Variants in SHOC2 observed in about 807,000 individuals in gnomAD.
The protein encoded by SHOC2 is leucine-rich repeat protein SHOC-2.
SHOC2 carries 4 observed loss-of-function variants against 50.2 expected under a neutral mutation model. The ratio of observed to expected loss-of-function variants is 0.08; its 90% CI spans 0.04 to 0.18. SHOC2 has a LOEUF of 0.18. Among genes scored for constraint, SHOC2 ranks in the 10% least tolerant of loss-of-function variants. The pLI is 1.00. For synonymous variants in SHOC2, 218 were observed against 244.5 expected (o/e 0.89, Z 1.01); for missense variants, 388 against 669.6 (o/e 0.58, Z 4.64).
intron 2 of SHOC2, among the ~76,000 whole-genome samples, chr10:110,980,991 T>C (rs372718524): frequency 4.6e-5 from 7 of 152,364 alleles, no homozygotes; most frequent in East Asian, 1.9e-4. Context: ...GAATCTTTCA[T>C]GTAGATGGAA....
chr10:110,982,954 G>A (rs547667630), intron 2 of SHOC2, among the ~76,000 whole-genome samples: 3 of 152,130 alleles, frequency 2.0e-5, no homozygotes, highest in Admixed American at 6.5e-5. Context: ...AAGCCATCTG[G>A]ACCTAGAATT....
At chr10:110,983,366 T>C (rs1437053980) in intron 2 of SHOC2, among the ~76,000 whole-genome samples, 1 of 152,132 alleles carries the variant, frequency 6.6e-6, no homozygotes, top group African/African-American at 2.4e-5. Context: ...TTGCTTGGAC[T>C]TATTTTTATC....
chr10:110,944,422 A>T (rs1333171961), intron 1 of SHOC2, among the ~76,000 whole-genome samples: 2 of 148,328 alleles, frequency 1.3e-5, no homozygotes, highest in African/African-American at 4.9e-5. Flanking sequence ...AGTGTTTAAT[A>T]AGTCCAATAT....
chr10:110,959,456 A>G (rs964410263), intron 1 of SHOC2, among the ~76,000 whole-genome samples: 1 of 152,246 alleles, frequency 6.6e-6, no homozygotes, highest in African/African-American at 2.4e-5. Context: ...ATTAAATGCC[A>G]GTAGCATTTC....
intron 1 of SHOC2, among the ~76,000 whole-genome samples, chr10:110,928,763 C>A (rs1846828452): frequency 6.6e-6 from 1 of 152,048 alleles, no homozygotes; most frequent in Non-Finnish European, 1.5e-5. Flanking sequence ...GGTGTGGTGG[C>A]ATGCATCGGT....
intron 5 of SHOC2, among the ~76,000 whole-genome samples, chr10:111,006,616 C>T (rs1351073898): frequency 6.6e-6 from 1 of 152,060 alleles, no homozygotes; most frequent in Non-Finnish European, 1.5e-5. Context: ...GTGATCCGCC[C>T]GCCTCGGCCT....
At chr10:110,982,792 AT>A (rs1211601326) in intron 2 of SHOC2, among the ~76,000 whole-genome samples, 1 of 151,996 alleles carries the variant, frequency 6.6e-6, no homozygotes, top group Non-Finnish European at 1.5e-5. Flanking sequence ...AGAGACATTG[AT>A]TTATAGTTTT....
chr10:111,001,157 C>T (rs1345924831), intron 4 of SHOC2, among the ~76,000 whole-genome samples: 7 of 129,258 alleles, frequency 5.4e-5, no homozygotes, highest in South Asian at 2.5e-4. Flanking sequence ...AGATATAATA[C>T]TTTTTTTTTT....
At chr10:110,978,202 T>C (rs1847911174) in intron 2 of SHOC2, among the ~76,000 whole-genome samples, 1 of 152,268 alleles carries the variant, frequency 6.6e-6, no homozygotes, top group African/African-American at 2.4e-5. Context: ...TACAGTCATA[T>C]ATGGCTGTTG....
chr10:110,953,715 C>T (rs1004603488), intron 1 of SHOC2, among the ~76,000 whole-genome samples: 13 of 150,342 alleles, frequency 8.6e-5, no homozygotes, highest in South Asian at 2.1e-4. Flanking sequence ...TATATATATA[C>T]ACACACACAC....
chr10:110,968,255 A>G (rs1847715488), intron 2 of SHOC2, among the ~76,000 whole-genome samples: 1 of 152,134 alleles, frequency 6.6e-6, no homozygotes, highest in Non-Finnish European at 1.5e-5. Context: ...CTTTTATTGT[A>G]ACGGAAAGAC....
chr10:110,945,689 C>T (rs1240529706), intron 1 of SHOC2, among the ~76,000 whole-genome samples: 1 of 152,122 alleles, frequency 6.6e-6, no homozygotes, highest in Non-Finnish European at 1.5e-5. Flanking sequence ...ACCCCAACCC[C>T]ACTCAGACTC....
intron 1 of SHOC2, among the ~76,000 whole-genome samples, chr10:110,922,275 A>G (rs745702374): frequency 6.6e-6 from 1 of 152,138 alleles, no homozygotes; most frequent in Non-Finnish European, 1.5e-5. Flanking sequence ...ATGGCTTCCG[A>G]GTAGTGATTG....
chr10:110,936,954 G>A, intron 1 of SHOC2: 1 of 1,440,130 alleles, frequency 6.9e-7, no homozygotes, highest in African/African-American at 1.4e-5. Context: ...GCCTGGCCTC[G>A]CTTGGTCTTG....
intron 3 of SHOC2, among the ~76,000 whole-genome samples, chr10:110,994,978 T>C (rs937496031): frequency 4.6e-5 from 7 of 152,192 alleles, no homozygotes; most frequent in Admixed American, 1.3e-4. Context: ...GATGAACATA[T>C]ATATTTTTCA....
intron 1 of SHOC2, among the ~76,000 whole-genome samples, chr10:110,953,949 G>C (rs533820861): frequency 3.5e-4 from 53 of 150,316 alleles, no homozygotes; most frequent in Admixed American, 8.6e-4. Context: ...CATCTATCTT[G>C]GTTTATTTTA....
intron 3 of SHOC2, among the ~76,000 whole-genome samples, chr10:110,993,173 A>G (rs1053711240): frequency 3.9e-5 from 6 of 152,230 alleles, no homozygotes; most frequent in African/African-American, 1.4e-4. Flanking sequence ...CTACGTTTAT[A>G]TACAGGAGCT....
chr10:110,937,740 T>G (rs575688042), intron 1 of SHOC2, among the ~76,000 whole-genome samples: 70 of 152,338 alleles, frequency 4.6e-4, no homozygotes, highest in African/African-American at 1.2e-3. Flanking sequence ...GAGGCTCTTT[T>G]GGATAAATTT....
chr10:110,980,378 G>C (rs1008763281), intron 2 of SHOC2, among the ~76,000 whole-genome samples: 28 of 151,910 alleles, frequency 1.8e-4, no homozygotes, highest in Non-Finnish European at 2.9e-4. Flanking sequence ...GGATGGTCTC[G>C]ATCTCCTGAC....
Sources: allele counts gnomAD v4.1 joint callset (sites outside exome capture counted in the v4.1 genomes callset), GRCh38; gene constraint gnomAD v4.1.1; transcripts MANE v1.5; gene names NCBI Gene and HGNC (gene_info 2026-07-23, HGNC 2026-07-21).